The following KLF8 variants were observed in gnomAD, a reference collection of about 807,000 sequenced individuals.
KLF8 encodes the protein Krueppel-like factor 8.
In KLF8, 10 loss-of-function variants were observed where a neutral mutation model predicts 18.2. That is an observed-to-expected ratio of 0.55 (90% CI 0.34 to 0.93). The LOEUF is 0.93. Ranked by LOEUF, KLF8 falls within the 40% of genes least tolerant of loss-of-function variation. KLF8 has a pLI of 0.02. For missense variants in KLF8, 264 were observed against 277.9 expected (o/e 0.95, Z 0.36); for synonymous variants, 109 against 97.3 (o/e 1.12, Z -0.71).
the KLF8 span, among the ~76,000 whole-genome samples, chrX:55,995,409 A>G: frequency 2.7e-5 from 3 of 112,039 alleles, no homozygotes; most frequent in Non-Finnish European, 5.6e-5. Flanking sequence ...GAAATGTGAA[A>G]TTTGATCCTG....
At chrX:56,159,304 G>T in the KLF8 span, among the ~76,000 whole-genome samples, 1 of 111,901 alleles carries the variant, frequency 8.9e-6, no homozygotes, top group South Asian at 3.7e-4. Context: ...TTTTATTGAG[G>T]ATTTTAGCAT....
At chrX:56,132,487 G>C in the KLF8 span, among the ~76,000 whole-genome samples, 32 of 111,383 alleles carry the variant, frequency 2.9e-4, no homozygotes, top group African/African-American at 1.0e-3. Flanking sequence ...AGCAAAAGAA[G>C]TGATAAGAGG....
chrX:56,051,361 T>C, the KLF8 span, among the ~76,000 whole-genome samples: 1 of 110,785 alleles, frequency 9.0e-6, no homozygotes. Flanking sequence ...TTCTTCCTAG[T>C]CTCGATGGTC....
chrX:55,941,073 C>G, the KLF8 span, among the ~76,000 whole-genome samples: 2 of 111,698 alleles, frequency 1.8e-5, no homozygotes, highest in African/African-American at 6.5e-5. Context: ...CCAAGTCAAT[C>G]CTAAGCCAAA....
chrX:56,093,905 ATGTGTGTGTGTGTG>A, the KLF8 span, among the ~76,000 whole-genome samples: 85 of 88,999 alleles, frequency 9.6e-4, no homozygotes, highest in South Asian at 0.026. Context: ...TATATATTAT[ATGTGTGTGTGTGTG>A]TGTGTGTGTG....
the KLF8 span, among the ~76,000 whole-genome samples, chrX:55,938,100 A>C: frequency 9.0e-6 from 1 of 111,710 alleles, no homozygotes; most frequent in Non-Finnish European, 1.9e-5. Flanking sequence ...AAATGAAGGA[A>C]AAAATGTTAA....
chrX:56,268,869 G>A (rs1254292893), intron 3 of KLF8: 2 of 891,551 alleles, frequency 2.2e-6, no homozygotes, highest in Non-Finnish European at 2.8e-6. Context: ...GCACCTACTA[G>A]GTGGTAGGTA....
the KLF8 span, among the ~76,000 whole-genome samples, chrX:56,040,549 C>T: frequency 9.0e-6 from 1 of 111,429 alleles, no homozygotes; most frequent in Non-Finnish European, 1.9e-5. Context: ...GTGTGTTGAA[C>T]CAACCTTGCA....
At chrX:56,066,295 G>C in the KLF8 span, among the ~76,000 whole-genome samples, 1 of 112,150 alleles carries the variant, frequency 8.9e-6, no homozygotes, top group Non-Finnish European at 1.9e-5. Context: ...AATGGGGCAG[G>C]GTGATTCCCA....
chrX:56,037,799 A>G, the KLF8 span, among the ~76,000 whole-genome samples: 435 of 111,964 alleles, frequency 3.9e-3, 3 homozygotes, highest in African/African-American at 0.013. Context: ...TCAAGCATTT[A>G]TCCATTGTGA....
chrX:56,052,853 A>G, the KLF8 span, among the ~76,000 whole-genome samples: 1 of 110,121 alleles, frequency 9.1e-6, no homozygotes, highest in Non-Finnish European at 1.9e-5. Context: ...AATGGCGGGC[A>G]CCCCTCCCCC....
the KLF8 span, among the ~76,000 whole-genome samples, chrX:55,922,215 G>A: frequency 4.8e-3 from 540 of 112,507 alleles, 3 homozygotes; most frequent in African/African-American, 0.016. Context: ...GGAATCAACC[G>A]AAATATCCAT....
the KLF8 span, among the ~76,000 whole-genome samples, chrX:56,186,403 T>A: frequency 1.8e-5 from 2 of 111,259 alleles, no homozygotes; most frequent in African/African-American, 6.5e-5. Flanking sequence ...ACAAAGAGAC[T>A]TAGACTCCCA....
chrX:56,161,785 C>A, the KLF8 span, among the ~76,000 whole-genome samples: 40 of 112,154 alleles, frequency 3.6e-4, no homozygotes, highest in Admixed American at 1.9e-3. Flanking sequence ...AAGTCATTCT[C>A]CATCCAACTT....
chrX:55,945,291 A>G, the KLF8 span, among the ~76,000 whole-genome samples: 1 of 111,093 alleles, frequency 9.0e-6, no homozygotes, highest in South Asian at 3.9e-4. Flanking sequence ...GTGGTGCTGA[A>G]AAAAATGTAT....
At chrX:56,249,057 A>G (rs2066667122) in intron 1 of KLF8, among the ~76,000 whole-genome samples, 1 of 112,365 alleles carries the variant, frequency 8.9e-6, no homozygotes, top group East Asian at 2.8e-4. Context: ...CTCAGATTCT[A>G]TTGGAAGTCA....
At chrX:56,066,604 C>G in the KLF8 span, among the ~76,000 whole-genome samples, 2 of 111,780 alleles carry the variant, frequency 1.8e-5, no homozygotes, top group Non-Finnish European at 3.8e-5. Context: ...TGTGTTGGTC[C>G]TGCTACTGGG....
At chrX:56,229,964 C>A (rs2066389655), upstream of KLF8, among the ~76,000 whole-genome samples, 1 of 112,377 alleles carries the variant, frequency 8.9e-6, no homozygotes, top group African/African-American at 3.2e-5. Flanking sequence ...AATTTGCCAT[C>A]TAAGGTCTAA....
intron 1 of KLF8, among the ~76,000 whole-genome samples, chrX:56,248,322 G>T (rs965205440): frequency 9.0e-6 from 1 of 110,699 alleles, no homozygotes; most frequent in African/African-American, 3.3e-5. Flanking sequence ...AAAAAGAACA[G>T]TGTCGTATCT....
Sources: allele counts gnomAD v4.1 joint callset (sites outside exome capture counted in the v4.1 genomes callset), GRCh38; gene constraint gnomAD v4.1.1; transcripts MANE v1.5; gene names NCBI Gene and HGNC (gene_info 2026-07-23, HGNC 2026-07-21).